GBE1: variants seen among roughly 807,000 people sequenced by gnomAD.
GBE1 encodes the protein 1,4-alpha-glucan branching enzyme 1, also known as 1,4-alpha-glucan-branching enzyme.
In GBE1, 70 loss-of-function variants were observed where a neutral mutation model predicts 88.8. That is an observed-to-expected ratio of 0.79 (90% CI 0.65 to 0.96). The LOEUF (loss-of-function observed/expected upper bound fraction) is 0.96, where lower values mean the gene tolerates loss of function less well. Ranked by LOEUF, GBE1 falls within the 40% of genes least tolerant of loss-of-function variation. The pLI is 0.00. For missense variants in GBE1, 872 were observed against 871.0 expected (o/e 1.00, Z -0.01); for synonymous variants, 284 against 300.1 (o/e 0.95, Z 0.56).
chr3:81,585,167 A>G (rs1002118558), intron 10 of GBE1, among the ~76,000 whole-genome samples: 74 of 152,192 alleles, frequency 4.9e-4, no homozygotes, highest in African/African-American at 1.8e-3. Context: ...TTATAAATGT[A>G]GAAGCAGAAG....
At chr3:81,530,057 G>T (rs1426565836) in intron 14 of GBE1, among the ~76,000 whole-genome samples, 2 of 151,284 alleles carry the variant, frequency 1.3e-5, no homozygotes, top group African/African-American at 2.4e-5. Flanking sequence ...CACATACCTT[G>T]TCTTCAAGCT....
At chr3:81,499,760 T>G (rs922897905) in intron 14 of GBE1, among the ~76,000 whole-genome samples, 27 of 152,328 alleles carry the variant, frequency 1.8e-4, no homozygotes, top group South Asian at 4.1e-4. Flanking sequence ...AAAAAAGAAA[T>G]GCATCATTGC....
At chr3:81,615,631 T>C (rs1174279780) in intron 7 of GBE1, among the ~76,000 whole-genome samples, 2 of 152,236 alleles carry the variant, frequency 1.3e-5, no homozygotes, top group African/African-American at 4.8e-5. Context: ...TTTTTATTGC[T>C]GAGTAGTACT....
intron 1 of GBE1, among the ~76,000 whole-genome samples, chr3:81,744,416 A>T (rs1052667441): frequency 3.9e-5 from 6 of 152,112 alleles, no homozygotes; most frequent in African/African-American, 1.4e-4. Context: ...TTTATATTAC[A>T]TTTCTATTGG....
rs553075663 is a variant in GBE1 at position 81,738,103 on chromosome 3, T to C, written c.143+23272A>G. Among the ~76,000 whole-genome samples the C allele has an allele frequency of 4.0e-3, 612 of 151,896 alleles. 7 individuals are homozygous for C. Among genetic ancestry groups the C allele is most frequent in the Middle Eastern group, 0.01 (3 of 294 alleles). On this transcript the variant is annotated intron_variant, in intron 1 of 15. Coordinates refer to ENST00000429644, the MANE Select transcript of GBE1 (RefSeq NM_000158.4). ...GAACTCATCATTTTTTATGGCTGCA[T>C]AGTATTCCATGGTGTATATGTGCCA...
At chr3:81,563,728 G>C (rs558571684) in intron 12 of GBE1, among the ~76,000 whole-genome samples, 3 of 152,076 alleles carry the variant, frequency 2.0e-5, no homozygotes, top group South Asian at 4.2e-4. Context: ...TAATAAATAA[G>C]GCTTGATAAA....
intron 12 of GBE1, among the ~76,000 whole-genome samples, chr3:81,565,760 A>G (rs569157807): frequency 1.3e-5 from 2 of 152,202 alleles, no homozygotes; most frequent in Non-Finnish European, 2.9e-5. Flanking sequence ...CATCATGATA[A>G]TAAGAGTGCT....
At chr3:81,506,847 T>C (rs1429262500) in intron 14 of GBE1, among the ~76,000 whole-genome samples, 1 of 152,122 alleles carries the variant, frequency 6.6e-6, no homozygotes, top group African/African-American at 2.4e-5. Context: ...ATGTTCTCAC[T>C]TAAGCAGAGC....
intron 14 of GBE1, chr3:81,509,351 G>A (rs777114465): frequency 2.0e-5 from 3 of 146,830 alleles, no homozygotes; most frequent in Non-Finnish European, 4.5e-5. Context: ...GAGAAATACT[G>A]AGAGAGCTTT....
chr3:81,559,250 T>C (rs186153191), intron 12 of GBE1, among the ~76,000 whole-genome samples: 5 of 152,142 alleles, frequency 3.3e-5, no homozygotes, highest in African/African-American at 1.2e-4. Flanking sequence ...CTTACCCTTC[T>C]GCCCTAAAAG....
In GBE1 at chr3:81,534,127, G is replaced by C. The variant is rs185617058; in HGVS notation, c.1934+1068C>G. On this transcript the variant is annotated intron_variant, in intron 14 of 15. Coordinates refer to ENST00000429644, the MANE Select transcript of GBE1 (RefSeq NM_000158.4). ...GCTCAGGTGGCAGATGCTAATCATTGTTAGGGCTTCAGGGGGCAAGCACAT... is the reference window on the plus strand; with the variant it reads ...GCTCAGGTGGCAGATGCTAATCATTCTTAGGGCTTCAGGGGGCAAGCACAT... Among the ~76,000 whole-genome samples, 33 of 152,092 alleles carry C rather than the reference G, an allele frequency of 2.2e-4. No homozygotes were observed. The East Asian group carries it at 5.6e-3, about 26-fold the overall frequency.
intron 15 of GBE1, among the ~76,000 whole-genome samples, chr3:81,496,603 A>T (rs1438750459): frequency 1.3e-5 from 2 of 152,160 alleles, no homozygotes. Flanking sequence ...GACCTACAGC[A>T]CTTATGATCA....
intron 14 of GBE1, among the ~76,000 whole-genome samples, chr3:81,525,059 GTA>G (rs1055183838): frequency 6.6e-6 from 1 of 151,834 alleles, no homozygotes; most frequent in African/African-American, 2.4e-5. Flanking sequence ...GAATGTGTTT[GTA>G]TAGTTTCTAA....
At chr3:81,524,159 C>G (rs148603278) in intron 14 of GBE1, among the ~76,000 whole-genome samples, 1 of 151,700 alleles carries the variant, frequency 6.6e-6, no homozygotes, top group African/African-American at 2.4e-5. Flanking sequence ...TCACCAGGAT[C>G]GTTACTGCCT....
At chr3:81,682,435 C>G (rs1705360462) in intron 2 of GBE1, among the ~76,000 whole-genome samples, 1 of 151,908 alleles carries the variant, frequency 6.6e-6, no homozygotes, top group African/African-American at 2.4e-5. Flanking sequence ...GCACTCCAGC[C>G]TGGGTGGTAG....
chr3:81,711,229 C>T (rs900291013), intron 1 of GBE1, among the ~76,000 whole-genome samples: 1 of 152,088 alleles, frequency 6.6e-6, no homozygotes, highest in East Asian at 1.9e-4. Flanking sequence ...AAGAAACACA[C>T]GAGGAAAACT....
At chr3:81,719,363 C>T (rs146389356) in intron 1 of GBE1, among the ~76,000 whole-genome samples, 4,369 of 151,840 alleles carry the variant, frequency 0.029, 225 homozygotes, top group African/African-American at 0.096. Context: ...ATTACAGGCA[C>T]GTGCCACCAT....
chr3:81,525,737 A>G (rs957101622), intron 14 of GBE1, among the ~76,000 whole-genome samples: 2 of 151,954 alleles, frequency 1.3e-5, no homozygotes, highest in Non-Finnish European at 2.9e-5. Flanking sequence ...TCAGAGATTC[A>G]ACTTCTTCCT....
At chr3:81,558,506 G>A (rs1276323439) in intron 12 of GBE1, among the ~76,000 whole-genome samples, 2 of 151,888 alleles carry the variant, frequency 1.3e-5, no homozygotes. Flanking sequence ...CTGCTAATTA[G>A]CAAAATTCAA....
Sources: gnomAD v4.1 joint callset for allele counts (sites outside exome capture counted in the v4.1 genomes callset) on GRCh38, gnomAD v4.1.1 for gene constraint, MANE v1.5 for transcripts, NCBI Gene and HGNC (gene_info 2026-07-23, HGNC 2026-07-21) for gene names.